The following PTPRH variants were observed in gnomAD, a reference collection of about 807,000 sequenced individuals.
PTPRH encodes protein tyrosine phosphatase receptor type H.
A neutral mutation model predicts 130.2 loss-of-function variants in PTPRH; 113 were observed. The ratio of observed to expected loss-of-function variants is 0.87; its 90% confidence interval spans 0.75 to 1.01. The LOEUF is 1.01. Among genes scored for constraint, PTPRH ranks in the 50% least tolerant of loss-of-function variants. The probability of loss-of-function intolerance (pLI) is 0.00; values close to 1 mark genes in which losing one functional copy is unlikely to be tolerated. For missense variants in PTPRH, 1,430 were observed against 1,425.0 expected (o/e 1.00, Z -0.06); for synonymous variants, 556 against 577.9 (o/e 0.96, Z 0.54).
rs1399311199 is a variant in PTPRH at position 55,196,525 on chromosome 19, C to CA, written c.2253dup (p.Ala752CysfsTer30). 6.2e-7 allele frequency: 1 copy of CA among 1,609,722 alleles called. No homozygotes were observed. Among genetic ancestry groups the CA allele is most frequent in the Non-Finnish European group, 8.5e-7 (1 of 1,178,460 alleles). ...TGGCCCGCGCGGCTCCGCTCACCTG[C>CA]ACTCTCGGTGTGGCAGACCACAGAG... On this transcript the variant is annotated frameshift_variant, in exon 10 of 20. Transcript: ENST00000376350. LOFTEE classifies it high-confidence loss of function.
At chr19:55,184,228 G>A (rs1450595017) in intron 18 of PTPRH, among the ~76,000 whole-genome samples, 3 of 151,958 alleles carry the variant, frequency 2.0e-5, no homozygotes, top group Admixed American at 6.6e-5. Flanking sequence ...AGGTTGCAGT[G>A]AGCCGAGATC....
rs1162239456 is a variant in PTPRH, at chr19:55,196,660, G to C, written c.2119C>G (p.Gln707Glu). Residue 707 changes from glutamine to glutamate, a missense_variant, in exon 10 of 20, where the codon CAG becomes GAG. Transcript: ENST00000376350. Reference protein sequence around the residue: ...ELEVGGQRGSQDRSSCGEAVS... With the variant: ...ELEVGGQRGSEDRSSCGEAVS... ...GCCTCCCCACATGAAGATCTGTCCT[G>C]GGAGCCCCGCTGTCCTCCCACCTCC... 2 of 1,613,904 alleles carry C rather than the reference G, an allele frequency of 1.2e-6. No homozygotes were observed. The highest frequency in any genetic ancestry group is 1.7e-6 in the Non-Finnish European group (2 of 1,180,016).
intron 4 of PTPRH, 42 bp downstream of exon 4, chr19:55,205,284 C>T (rs756537618): frequency 1.2e-6 from 2 of 1,611,164 alleles, no homozygotes; most frequent in African/African-American, 2.7e-5. Context: ...CCTACTGCCC[C>T]TTAAACAAGT....
In PTPRH at chr19:55,205,437, G is replaced by A. The variant is rs200319382; in HGVS notation, c.508C>T (p.His170Tyr). ...AGTCCATCCACGGTGATGTTAGTGT[G>A]TGCTGTGCTTCGAGTCCCTGCTCTG... is the stretch of plus-strand genomic sequence containing the variant. ...GGRAGTRSTA[H>Y]TNITVDGLEP... Residue 170 changes from histidine to tyrosine, a missense_variant, in exon 4 of 20, where the codon CAC becomes TAC. By Grantham distance (83) the His-to-Tyr change is moderately conservative. Transcript: ENST00000376350. 2.2e-5 allele frequency: 35 copies of A among 1,614,036 alleles called. No homozygotes were observed. The East Asian group carries it at 3.8e-4, about 17-fold the overall frequency.
chr19:55,202,761 A>T (rs6509935), intron 5 of PTPRH, among the ~76,000 whole-genome samples: 1 of 151,878 alleles, frequency 6.6e-6, no homozygotes, highest in African/African-American at 2.4e-5. Context: ...TGTATCTGCC[A>T]GGCGCAGTGG....
intron 18 of PTPRH, among the ~76,000 whole-genome samples, chr19:55,182,390 G>A (rs2086203528): frequency 1.3e-5 from 2 of 152,180 alleles, no homozygotes; most frequent in South Asian, 2.1e-4. Flanking sequence ...CGGGTATGGT[G>A]GCGCATGCCT....
In PTPRH at chr19:55,185,882, G is replaced by T; in HGVS notation, c.2881C>A (p.Arg961=). 6.2e-7 allele frequency: 1 copy of T among 1,614,118 alleles called. No individual in the cohort carries two copies. Among genetic ancestry groups the T allele is most frequent in the Non-Finnish European group, 8.5e-7 (1 of 1,180,018 alleles). Residue 961 remains arginine, a synonymous_variant, in exon 17 of 20, where the codon CGG becomes AGG. Transcript: ENST00000376350. The part of the protein sequence containing the change: ...GEEVMENWTV[R]ELLLLQVEEQ... ...CGCACCTGGAGGAGCAGCAGTTCCC[G>T]CACCGTCCAGTTCTCCATCACTTCC...
Position 55,181,822 on chromosome 19 carries a change from ACGGGACTTCCTTCT to A in PTPRH, c.3266_3279del (p.Glu1089ValfsTer2). ...TAGATGAGGTTTTCGACATCCTCAT[ACGGGACTTCCTTCT>A]CGGCTGGGGCCTGGGCTGACTGTTG... On this transcript the variant is annotated frameshift_variant, in exon 20 of 20. Coordinates refer to ENST00000376350, the MANE Select transcript of PTPRH (RefSeq NM_002842.5). LOFTEE classifies it low-confidence loss of function (END_TRUNC). 3 of 1,614,178 alleles carry A rather than the reference ACGGGACTTCCTTCT, an allele frequency of 1.9e-6. No homozygotes were observed. The highest frequency in any genetic ancestry group is 2.5e-6 in the Non-Finnish European group (3 of 1,180,040).
chr19:55,197,710 C>T (rs1568913064), intron 8 of PTPRH, among the ~76,000 whole-genome samples: 1 of 152,158 alleles, frequency 6.6e-6, no homozygotes, highest in Non-Finnish European at 1.5e-5. Flanking sequence ...GCTATGGATT[C>T]TCTGTATCGC....
chr19:55,205,128 C>T (rs565839558), intron 4 of PTPRH, among the ~76,000 whole-genome samples, 198 bp downstream of exon 4: 59 of 152,280 alleles, frequency 3.9e-4, no homozygotes, highest in Admixed American at 2.1e-3. Context: ...AGACACAGAC[C>T]GGCCCCAGCT....
At chr19:55,195,893 G>A (rs78360132) in intron 10 of PTPRH, among the ~76,000 whole-genome samples, 17 of 152,076 alleles carry the variant, frequency 1.1e-4, no homozygotes, top group Non-Finnish European at 2.2e-4. Flanking sequence ...TTAATGAAAC[G>A]TCCCAGAGAG....
chr19:55,188,731 C>A, intron 12 of PTPRH, among the ~76,000 whole-genome samples: 1 of 152,148 alleles, frequency 6.6e-6, no homozygotes, highest in Non-Finnish European at 1.5e-5. Flanking sequence ...CCCCCACCGG[C>A]CTGACTGCTC....
chr19:55,181,890 A>C lies in PTPRH; in HGVS notation c.3212T>G (p.Phe1071Cys). 1 of 1,614,182 alleles carries C rather than the reference A, an allele frequency of 6.2e-7. No individual in the cohort carries two copies. Among genetic ancestry groups the C allele is most frequent in the Non-Finnish European group, 8.5e-7 (1 of 1,180,022 alleles). The change falls in exon 20 of 20, where the codon TTC becomes TGC. Residue 1071 changes from phenylalanine (F) to cysteine (C), a missense_variant. Physicochemically the swap from Phe to Cys is radical, Grantham distance 205. Transcript: ENST00000376350. ...LMVQTEAQYV[F>C]LHQCILRFLQ... ...GAACCGCAGGATGCACTGATGCAGG[A>C]ATACGTACTGAGCCTGGGAAGCAGG...
intron 12 of PTPRH, among the ~76,000 whole-genome samples, chr19:55,190,412 C>T (rs1023889533): frequency 1.4e-5 from 2 of 146,308 alleles, no homozygotes; most frequent in Middle Eastern, 3.5e-3. Flanking sequence ...TCTACCCTTC[C>T]TATCCCCTCC....
rs566685480 is a variant in PTPRH at position 55,187,859 on chromosome 19, G to A, written c.2475+219C>T. Among the ~76,000 whole-genome samples the A allele has an allele frequency of 2.6e-5, 4 of 152,154 alleles. No individual in the cohort carries two copies. The East Asian group carries it at 7.8e-4, about 29-fold the overall frequency. ...TGTCAGGGGAGAAAGGACTCACTGG[G>A]TGGGGGCAGAGAGAGTTACTTTAGG... On this transcript the variant is annotated intron_variant, in intron 13 of 19. Coordinates refer to ENST00000376350, the MANE Select transcript of PTPRH (RefSeq NM_002842.5).
chr19:55,197,064 G>C (rs1374329390), intron 9 of PTPRH, 53 bp downstream of exon 9: 1 of 1,580,072 alleles, frequency 6.3e-7, no homozygotes, highest in East Asian at 2.2e-5. Context: ...CAGCTCGCAA[G>C]GACTGTGAGC....
intron 12 of PTPRH, 58 bp from the exon 13 acceptor site, chr19:55,188,226 T>C: frequency 1.4e-6 from 2 of 1,411,072 alleles, no homozygotes; most frequent in South Asian, 2.3e-5. Flanking sequence ...TCTTGCACTT[T>C]TGAGGGCTGG....
At chr19:55,187,662 G>A (rs745973070) in intron 13 of PTPRH, 59 bp from the exon 14 acceptor site, 23 of 1,314,854 alleles carry the variant, frequency 1.7e-5, no homozygotes, top group Non-Finnish European at 2.4e-5. Flanking sequence ...TCCCTCGGGG[G>A]TACCCCCGAG....
Position 55,206,747 on chromosome 19 carries a change from A to G in PTPRH, c.294T>C (p.Ser98=). Residue 98 remains serine (S), a synonymous_variant, in exon 3 of 20, where the codon TCT becomes TCC. Transcript: ENST00000376350. ...TTACTCCGTCTTTCTCCACCCACAC[A>G]GAACACGTATACAATGACCCGGGTC... ...GLGPGSLYTC[S]VWVEKDGVNS... is the part of the protein sequence containing the mutation. 1 of 1,613,982 alleles carries G rather than the reference A, an allele frequency of 6.2e-7. No homozygotes were observed.
Sources: gnomAD v4.1 joint callset for allele counts (sites outside exome capture counted in the v4.1 genomes callset) on GRCh38, gnomAD v4.1.1 for gene constraint, MANE v1.5 for transcripts, NCBI Gene and HGNC (gene_info 2026-07-23, HGNC 2026-07-21) for gene names.